Variants in GALR1 observed in about 807,000 individuals in gnomAD.
GALR1 encodes galanin receptor type 1.
Under a neutral mutation model 17.9 loss-of-function variants are expected in GALR1, and 11 were observed. The ratio of observed to expected loss-of-function variants is 0.62; its 90% CI spans 0.39 to 1.02. GALR1 has a LOEUF of 1.02. Among genes scored for constraint, GALR1 ranks in the 50% least tolerant of loss-of-function variants. GALR1 has a pLI of 0.01. For synonymous variants in GALR1, 206 were observed against 205.7 expected, an observed-to-expected ratio of 1.00 and a Z score of -0.01; for missense variants, 441 against 456.9, an observed-to-expected ratio of 0.97 and a Z score of 0.32.
intron 2 of GALR1, among the ~76,000 whole-genome samples, chr18:77,258,833 ATGGTGGTGATGG>A (rs201087702): frequency 0.9 from 73,982 of 81,896 alleles, 33,508 homozygotes; most frequent in East Asian, 0.95. Context: ...GGTGCTGGTG[ATGGTGGTGATGG>A]TGGTGGTGAT....
At chr18:77,265,244 A>C (rs1912920489) in intron 2 of GALR1, among the ~76,000 whole-genome samples, 1 of 152,250 alleles carries the variant, frequency 6.6e-6, no homozygotes, top group South Asian at 2.1e-4. Flanking sequence ...AAGAGGCTAC[A>C]GGCCCCATGC....
chr18:77,269,133 C>T lies in GALR1; in HGVS notation c.*231C>T. The T allele has an allele frequency of 1.9e-6, 1 of 519,044 alleles. No homozygotes were observed. The highest frequency in any genetic ancestry group is 3.4e-6 in the Non-Finnish European group (1 of 294,520). 32.2% of individuals were successfully genotyped at this position (519,044 alleles called of 1,614,324 possible). On this transcript the variant is annotated 3_prime_UTR_variant, in exon 3 of 3. Transcript: ENST00000299727. ...TTAGTTCTAAATTATGTTTCAGAAA[C>T]AAAAGACAATGCTGTACAGTTTTAT...
In GALR1 at chr18:77,273,171, C is replaced by A. The variant is rs1599367711; in HGVS notation, c.*4269C>A. 1 of 152,084 alleles carries A rather than the reference C, an allele frequency of 6.6e-6. No individual in the cohort carries two copies. The highest frequency in any genetic ancestry group is 2.1e-4 in the South Asian group (1 of 4,812). The allele number at this position is 152,084 out of a possible 1,614,324, so 9.4% of individuals were successfully genotyped here. A position where few individuals can be genotyped will look rare whatever the true frequency, so the allele number is the denominator to read the frequency against. On this transcript the variant is annotated 3_prime_UTR_variant, in exon 3 of 3. Transcript: ENST00000299727. ...TTGACTGGGCAAGACCCTCACATACCTTGGCAGGCCCTGGCTTTCGTTTCT... is the reference window on the plus strand; with the variant it reads ...TTGACTGGGCAAGACCCTCACATACATTGGCAGGCCCTGGCTTTCGTTTCT...
intron 1 of GALR1, chr18:77,253,600 A>G (rs28538630): frequency 4.6e-5 from 7 of 152,298 alleles, no homozygotes; most frequent in East Asian, 1.9e-4. Context: ...GCTGTCATGG[A>G]TAGGTGGAGA....
chr18:77,265,336 ACT>A (rs1912921971), intron 2 of GALR1, among the ~76,000 whole-genome samples: 1 of 152,204 alleles, frequency 6.6e-6, no homozygotes, highest in South Asian at 2.1e-4. Flanking sequence ...TCCAGGTCAC[ACT>A]GATGCAAGAG....
At chr18:77,255,323 C>A (rs1018204299) in intron 1 of GALR1, among the ~76,000 whole-genome samples, 1 of 152,140 alleles carries the variant, frequency 6.6e-6, no homozygotes, top group Admixed American at 6.5e-5. Context: ...CATATCATTT[C>A]TCCTGAGTAT....
At chr18:77,262,509 G>A (rs1912854763) in intron 2 of GALR1, among the ~76,000 whole-genome samples, 1 of 152,214 alleles carries the variant, frequency 6.6e-6, no homozygotes, top group African/African-American at 2.4e-5. Flanking sequence ...CCATGCACAT[G>A]GGTGTATTTG....
rs1340328505 is a variant in GALR1 at position 77,251,183 on chromosome 18, C to G, written c.635C>G (p.Pro212Arg). 14 of 1,609,510 alleles carry G rather than the reference C, an allele frequency of 8.7e-6. No homozygotes were observed. Among genetic ancestry groups the G allele is most frequent in the African/African-American group, 2.7e-5 (2 of 74,846 alleles). Residue 212 changes from proline (P) to arginine (R), a missense_variant, in exon 1 of 3, where the codon CCG becomes CGG. By Grantham distance (103) the Pro-to-Arg change is moderately radical (BLOSUM62 -2). Transcript: ENST00000299727. ...VCTFVFGYLL[P>R]LLLICFCYAK... ...ACCTTCGTCTTCGGCTACCTGCTGCCGCTCCTGCTCATCTGCTTCTGCTAT... is the reference window on the plus strand; with the variant it reads ...ACCTTCGTCTTCGGCTACCTGCTGCGGCTCCTGCTCATCTGCTTCTGCTAT...
Position 77,273,927 on chromosome 18 carries a change from G to A in GALR1, c.*5025G>A, listed in dbSNP as rs1913108876. ...CACAGTAAAGAAAAGATCCCTTGCT[G>A]ATGGAATGGACTGGAACTGAGCTCC... On this transcript the variant is annotated 3_prime_UTR_variant, in exon 3 of 3. Transcript: ENST00000299727. 1 of 152,170 alleles carries A rather than the reference G, an allele frequency of 6.6e-6. No homozygotes were observed. Among genetic ancestry groups the A allele is most frequent in the Non-Finnish European group, 1.5e-5 (1 of 68,034 alleles). The allele number at this position is 152,170 out of a possible 1,614,324, so 9.4% of individuals were successfully genotyped here.
intron 2 of GALR1, 26 bp from the exon 3 acceptor site, chr18:77,268,559 C>CTCCTCCTCCTCT (rs1912990939): frequency 6.4e-7 from 1 of 1,568,318 alleles, no homozygotes; most frequent in African/African-American, 1.4e-5. Flanking sequence ...CCTCCTCCTC[C>CTCCTCCTCCTCT]TCCTCCTCCT....
rs1306239551 is a variant in GALR1 at position 77,277,596 on chromosome 18, T to C, written c.*8694T>C. 1 of 152,260 alleles carries C rather than the reference T, an allele frequency of 6.6e-6. No individual in the cohort carries two copies. The highest frequency in any genetic ancestry group is 1.5e-5 in the Non-Finnish European group (1 of 68,046). 9.4% of individuals were successfully genotyped at this position (152,260 alleles called of 1,614,324 possible). A position where few individuals can be genotyped will look rare whatever the true frequency, so the allele number is the denominator to read the frequency against. On this transcript the variant is annotated 3_prime_UTR_variant, in exon 3 of 3. Coordinates refer to ENST00000299727, the MANE Select transcript of GALR1 (RefSeq NM_001480.4). The stretch of plus-strand genomic sequence containing the variant: ...TATCAGCAATGTGAAAACGGACTAA[T>C]ACAACGTGATTGTTTAAATGCTGAT...
At position 77,259,124 on chromosome 18, in the gene GALR1, G is replaced by GTGATGT. The variant is rs1555672738; in HGVS notation, c.732+2903_732+2904insATGTTG. On this transcript the variant is annotated intron_variant, in intron 2 of 2. Coordinates refer to ENST00000299727, the MANE Select transcript of GALR1 (RefSeq NM_001480.4). ...GTGGATGGTGGTGGTCACAGTGGTG[G>GTGATGT]TGGTGTTGGTGGTGGTCATGGTGGT... Among the ~76,000 whole-genome samples, 6 of 4,666 alleles carry GTGATGT rather than the reference G, an allele frequency of 1.3e-3. 3 individuals are homozygous for GTGATGT. Among genetic ancestry groups the GTGATGT allele is most frequent in the Non-Finnish European group, 0.014 (2 of 142 alleles). 3.1% of individuals were successfully genotyped at this position (4,666 alleles called of 152,430 possible).
In GALR1 at chr18:77,270,951, C is replaced by G. The variant is rs1033650843; in HGVS notation, c.*2049C>G. 3 of 152,198 alleles carry G rather than the reference C, an allele frequency of 2.0e-5. No homozygotes were observed. Among genetic ancestry groups the G allele is most frequent in the African/African-American group, 7.2e-5 (3 of 41,446 alleles). The allele number at this position is 152,198 out of a possible 1,614,324, so 9.4% of individuals were successfully genotyped here. A position where few individuals can be genotyped will look rare whatever the true frequency, so the allele number is the denominator to read the frequency against. ...TTTGTGGAACTTGAAGTTGCTGTTG[C>G]AAACTCCAGAACAACTTCTTTGGGT... On this transcript the variant is annotated 3_prime_UTR_variant, in exon 3 of 3. Transcript: ENST00000299727.
chr18:77,263,655 C>T (rs185629474), intron 2 of GALR1, among the ~76,000 whole-genome samples: 217 of 152,246 alleles, frequency 1.4e-3, no homozygotes, highest in Non-Finnish European at 2.6e-3. Flanking sequence ...AGATCTAGCC[C>T]TCCCTCTACT....
intron 2 of GALR1, 53 bp downstream of exon 2, chr18:77,256,276 T>C: frequency 1.9e-6 from 2 of 1,039,968 alleles, no homozygotes; most frequent in Non-Finnish European, 3.0e-6. Context: ...TTAGTTTACC[T>C]TTGTTTTTTT....
At position 77,251,236 on chromosome 18, in the gene GALR1, G is replaced by A. The variant is rs367907128; in HGVS notation, c.666+22G>A. On this transcript the variant is annotated intron_variant, in intron 1 of 2. Coordinates refer to ENST00000299727, the MANE Select transcript of GALR1 (RefSeq NM_001480.4). ...CAAGGTGCACGCCGGTCGCGGGGCC[G>A]AGACGCGCGAGGGAGGGCGGAGGGC... The A allele has an allele frequency of 6.3e-6, 10 of 1,576,350 alleles. No homozygotes were observed. In the African/African-American group the frequency reaches 1.1e-4, roughly 17 times the overall value.
chr18:77,264,545 G>A (rs1249111706), intron 2 of GALR1, among the ~76,000 whole-genome samples: 1 of 152,162 alleles, frequency 6.6e-6, no homozygotes, highest in East Asian at 1.9e-4. Flanking sequence ...AGGGGAGGGG[G>A]TCTGCTTTCC....
chr18:77,253,227 G>A (rs1486762545), intron 1 of GALR1, among the ~76,000 whole-genome samples: 4 of 152,100 alleles, frequency 2.6e-5, no homozygotes, highest in Non-Finnish European at 4.4e-5. Context: ...GTGGCTTGGA[G>A]CTATTTTATT....
chr18:77,252,923 TCACCACCACCACCACCAC>T (rs1912475884), intron 1 of GALR1, among the ~76,000 whole-genome samples: 6 of 84,684 alleles, frequency 7.1e-5, no homozygotes, highest in East Asian at 4.0e-4. Context: ...ACCACCACCA[TCACCACCACCACCACCAC>T]CACCACCATC....
Sources: allele counts gnomAD v4.1 joint callset (sites outside exome capture counted in the v4.1 genomes callset), GRCh38; gene constraint gnomAD v4.1.1; transcripts MANE v1.5; gene names NCBI Gene and HGNC (gene_info 2026-07-23, HGNC 2026-07-21).